Variants in PHKA2 observed in about 807,000 individuals in gnomAD.
PHKA2 encodes the protein phosphorylase kinase regulatory subunit alpha 2, also known as phosphorylase b kinase regulatory subunit alpha, liver isoform.
A neutral mutation model predicts 102.0 loss-of-function variants in PHKA2; 31 were observed. The ratio of observed to expected loss-of-function variants is 0.30; its 90% CI spans 0.23 to 0.41. The LOEUF (loss-of-function observed/expected upper bound fraction) is 0.41. PHKA2 is among the 10% of genes least tolerant of loss of function. The pLI, the probability that PHKA2 is intolerant of heterozygous loss-of-function variation, is 1.00. For missense variants in PHKA2, 858 were observed against 1,023.1 expected, an observed-to-expected ratio of 0.84 and a Z score of 2.20; for synonymous variants, 455 against 416.2, an observed-to-expected ratio of 1.09 and a Z score of -1.13.
intron 26 of PHKA2, among the ~76,000 whole-genome samples, chrX:18,904,661 G>A (rs1056791929): frequency 4.5e-5 from 5 of 111,938 alleles, no homozygotes; most frequent in Admixed American, 1.9e-4. Flanking sequence ...CCCCTCCTTC[G>A]GGAAAGGAGA....
intron 4 of PHKA2, among the ~76,000 whole-genome samples, chrX:18,950,069 T>C (rs767816207): frequency 9.0e-6 from 1 of 111,475 alleles, no homozygotes; most frequent in Non-Finnish European, 1.9e-5. Flanking sequence ...AGAGACCACC[T>C]GGTGTGAGAC....
intron 19 of PHKA2, among the ~76,000 whole-genome samples, chrX:18,913,070 C>G (rs746962841): frequency 9.7e-6 from 1 of 102,751 alleles, no homozygotes; most frequent in South Asian, 4.7e-4. Context: ...AGAGCAAGAC[C>G]CTGTCAAAAA....
intron 13 of PHKA2, among the ~76,000 whole-genome samples, chrX:18,928,732 G>T (rs2048258863): frequency 8.9e-6 from 1 of 112,680 alleles, no homozygotes; most frequent in African/African-American, 3.2e-5. Context: ...CTGAGGCACA[G>T]AAGGGTGAAA....
Position 18,897,394 on chromosome X carries a change from G to A in PHKA2, c.3112-61C>T, listed in dbSNP as rs144482520. The A allele has an allele frequency of 4.4e-3, 4,873 of 1,110,029 alleles. 93 individuals are homozygous for A. The African/African-American group carries it at 0.066, about 15-fold the overall frequency. The allele number at this position is 1,110,029 out of a possible 1,213,427, so 91.5% of individuals were successfully genotyped here. A position where few individuals can be genotyped will look rare whatever the true frequency, so the allele number is the denominator to read the frequency against. ...GCAGCAGGTGCCCCAGGGAAAGTGC[G>A]CCATCTCGAAGGGCGGCCCTGCGAC... On this transcript the variant is annotated intron_variant, in intron 29 of 32. Coordinates refer to ENST00000379942, the MANE Select transcript of PHKA2 (RefSeq NM_000292.3).
chrX:18,899,985 C>T (rs1044528754), intron 28 of PHKA2, among the ~76,000 whole-genome samples: 2 of 111,651 alleles, frequency 1.8e-5, no homozygotes, highest in African/African-American at 3.3e-5. Flanking sequence ...GATTCACCCA[C>T]GGTCAGGCCA....
At chrX:18,907,630 G>A (rs1337182589) in intron 22 of PHKA2, among the ~76,000 whole-genome samples, 1 of 111,510 alleles carries the variant, frequency 9.0e-6, no homozygotes, top group Admixed American at 9.5e-5. Context: ...AGCTCTAAGA[G>A]GCTGCCAGGC....
chrX:18,957,045 G>A (rs1194711187), intron 1 of PHKA2, among the ~76,000 whole-genome samples: 3 of 112,408 alleles, frequency 2.7e-5, no homozygotes, highest in African/African-American at 6.5e-5. Flanking sequence ...TGGGATTACA[G>A]ATGCCTGCCA....
rs750498601 is a variant in PHKA2, at chrX:18,893,445, G to A, written c.*40C>T. 4 of 1,182,612 alleles carry A rather than the reference G, an allele frequency of 3.4e-6. No individual in the cohort carries two copies. The highest frequency in any genetic ancestry group is 4.6e-6 in the Non-Finnish European group (4 of 869,257). ...GGTTCCCAGTAAGGCTAGGGGGCAC[G>A]TGACAGATTGAGAGTGTGATCATGT... On this transcript the variant is annotated 3_prime_UTR_variant, in exon 33 of 33. Coordinates refer to ENST00000379942, the MANE Select transcript of PHKA2 (RefSeq NM_000292.3).
chrX:18,894,989 T>C, intron 31 of PHKA2, 149 bp downstream of exon 31: 1 of 581,419 alleles, frequency 1.7e-6, no homozygotes, highest in African/African-American at 2.2e-5. Context: ...TTGCCAAATA[T>C]GAGGGTGAAG....
intron 22 of PHKA2, 84 bp downstream of exon 22, chrX:18,907,816 G>C (rs1402300760): frequency 9.9e-7 from 1 of 1,010,958 alleles, no homozygotes; most frequent in African/African-American, 1.9e-5. Flanking sequence ...ACAAGTAAGA[G>C]GTATAACTGG....
At chrX:18,952,671 C>T (rs1440270139) in intron 2 of PHKA2, 130 bp from the exon 3 acceptor site, 27 of 561,578 alleles carry the variant, frequency 4.8e-5, no homozygotes, top group Non-Finnish European at 8.1e-5. Flanking sequence ...CCCGAGCCTA[C>T]GTGAGTGTTC....
chrX:18,912,887 G>T (rs764018466), intron 19 of PHKA2, among the ~76,000 whole-genome samples: 63 of 110,368 alleles, frequency 5.7e-4, no homozygotes, highest in Non-Finnish European at 7.0e-4. Flanking sequence ...CTCCAGCCTC[G>T]GCAACAAGAA....
intron 11 of PHKA2, 38 bp downstream of exon 11, chrX:18,936,017 A>T: frequency 1.1e-6 from 1 of 912,270 alleles, no homozygotes; most frequent in Non-Finnish European, 1.6e-6. Context: ...ACTTATTTCT[A>T]GATAAGCGGT....
chrX:18,893,833 G>A (rs1029633532), intron 32 of PHKA2, among the ~76,000 whole-genome samples, 178 bp from the exon 33 acceptor site: 1 of 112,375 alleles, frequency 8.9e-6, no homozygotes, highest in South Asian at 3.7e-4. Context: ...CGCTGCCAGG[G>A]GGAATGCCCT....
At chrX:18,974,604 G>A (rs1355220169) in intron 1 of PHKA2, among the ~76,000 whole-genome samples, 2 of 111,694 alleles carry the variant, frequency 1.8e-5, no homozygotes, top group Non-Finnish European at 3.8e-5. Flanking sequence ...TAGGAAATCC[G>A]AGATCAGAGT....
chrX:18,895,778 T>G (rs1177364664), intron 30 of PHKA2: 1 of 118,775 alleles, frequency 8.4e-6, no homozygotes, highest in Non-Finnish European at 1.8e-5. Flanking sequence ...AGTGGGGAAA[T>G]TTTCTAGGAA....
rs1171143606 is a variant in PHKA2, at chrX:18,918,100, A to G, written c.2137+581T>C. Among the ~76,000 whole-genome samples, 44 of 111,367 alleles carry G rather than the reference A, an allele frequency of 4.0e-4. 2 individuals carry two copies. The highest frequency in any genetic ancestry group is 4.6e-3 in the Middle Eastern group (1 of 219). ...CCTAGAGCGCAGTCAGCACAGATAGAAGGAGACTCGTGGACTCTAAGAAAG... is the reference window on the plus strand; with the variant it reads ...CCTAGAGCGCAGTCAGCACAGATAGGAGGAGACTCGTGGACTCTAAGAAAG... On this transcript the variant is annotated intron_variant, in intron 19 of 32. Coordinates refer to ENST00000379942, the MANE Select transcript of PHKA2 (RefSeq NM_000292.3).
intron 1 of PHKA2, among the ~76,000 whole-genome samples, chrX:18,980,008 A>C (rs2049148135): frequency 9.4e-6 from 1 of 106,047 alleles, no homozygotes; most frequent in Admixed American, 9.7e-5. Context: ...ATGTAACTTT[A>C]GCCCCAACCT....
chrX:18,917,882 C>T (rs1481539205), intron 19 of PHKA2, among the ~76,000 whole-genome samples: 1 of 109,781 alleles, frequency 9.1e-6, no homozygotes, highest in African/African-American at 3.3e-5. Flanking sequence ...ACAAGTAAGT[C>T]GAGAGCTGTC....
Sources: gnomAD v4.1 joint callset for allele counts (sites outside exome capture counted in the v4.1 genomes callset) on GRCh38, gnomAD v4.1.1 for gene constraint, MANE v1.5 for transcripts, NCBI Gene and HGNC (gene_info 2026-07-23, HGNC 2026-07-21) for gene names.